The following PRSS27 variants were observed in gnomAD, a reference collection of about 807,000 sequenced individuals.
The protein encoded by PRSS27 is channel-activating protease 2.
In PRSS27, 25 loss-of-function variants were observed where a neutral mutation model predicts 32.0. The observed-to-expected ratio is 0.78, with a 90% confidence interval of 0.57 to 1.09. PRSS27 has a LOEUF of 1.09. Among genes scored for constraint, PRSS27 ranks in the 50% least tolerant of loss-of-function variants. The probability of loss-of-function intolerance (pLI) is 0.00; values close to 1 mark genes in which losing one functional copy is unlikely to be tolerated. For missense variants in PRSS27, 401 were observed against 394.9 expected (o/e 1.02, Z -0.13); for synonymous variants, 178 against 172.2 (o/e 1.03, Z -0.26).
At chr16:2,713,391 C>T (rs2142064651) in intron 5 of PRSS27, 138 bp downstream of exon 5, 6 of 935,096 alleles carry the variant, frequency 6.4e-6, no homozygotes, top group East Asian at 2.5e-5. Flanking sequence ...AGCCACCACA[C>T]CCGGCCCTGG....
In PRSS27 at chr16:2,714,750, C is replaced by A. The variant is rs1432038452; in HGVS notation, c.237-414G>T. ...AGCCCGAGTTTCCGATTTTTTTTTT[C>A]CCCTAGAGACAGAGTTCTCATTCTG... On this transcript the variant is annotated intron_variant, in intron 3 of 5. Coordinates refer to ENST00000302641, the MANE Select transcript of PRSS27 (RefSeq NM_031948.5). This position sits in a 1 kb window ranked among gnomAD's most constrained non-coding sequence, Gnocchi z 4.7. 2 of 240,132 alleles carry A rather than the reference C, an allele frequency of 8.3e-6. No individual in the cohort carries two copies. The highest frequency in any genetic ancestry group is 8.3e-6 in the Non-Finnish European group (1 of 120,480). The allele number at this position is 240,132 out of a possible 1,614,324, so 14.9% of individuals were successfully genotyped here. A position where few individuals can be genotyped will look rare whatever the true frequency, so the allele number is the denominator to read the frequency against.
Position 2,715,776 on chromosome 16 carries a change from A to C in PRSS27, c.178T>G (p.Cys60Gly). ...TGCTCCGCGATGAGGCTGCCCCCGC[A>C]GAAGTGGCTTCCGTTGCGCTGGATG... Reference protein sequence around the residue: ...VSIQRNGSHFCGGSLIAEQWV... With the variant: ...VSIQRNGSHFGGGSLIAEQWV... Residue 60 changes from cysteine (C) to glycine (G), a missense_variant, in exon 3 of 6, where the codon TGC becomes GGC. By Grantham distance (159) the Cys-to-Gly change is radical. Transcript: ENST00000302641. The C allele has an allele frequency of 1.3e-6, 2 of 1,598,210 alleles. No individual in the cohort carries two copies. Among genetic ancestry groups the C allele is most frequent in the Non-Finnish European group, 1.7e-6 (2 of 1,175,286 alleles).
chr16:2,719,059 TG>T (rs1479988302), intron 1 of PRSS27, among the ~76,000 whole-genome samples: 2 of 152,124 alleles, frequency 1.3e-5, no homozygotes, highest in East Asian at 3.8e-4. Flanking sequence ...AGAGACCTGG[TG>T]GGAGTGCCAC....
At position 2,717,215 on chromosome 16, in the gene PRSS27, C is replaced by T. The variant is rs1190571208; in HGVS notation, c.47-689G>A. ...CAGGCTTGGCAGACGAGGCCCAGGA[C>T]CCCCTGCTGGGCTGTGCAAGGGGGC... On this transcript the variant is annotated intron_variant, in intron 1 of 5. Coordinates refer to ENST00000302641, the MANE Select transcript of PRSS27 (RefSeq NM_031948.5). This position sits in a 1 kb window ranked among gnomAD's most constrained non-coding sequence, Gnocchi z 4.1. The T allele has an allele frequency of 6.6e-6, 1 of 152,470 alleles. No homozygotes were observed. The highest frequency in any genetic ancestry group is 6.5e-5 in the Admixed American group (1 of 15,282). The allele number at this position is 152,470 out of a possible 1,614,324, so 9.4% of individuals were successfully genotyped here.
At chr16:2,716,325 G>T in intron 2 of PRSS27, 175 bp downstream of exon 2, 1 of 666,598 alleles carries the variant, frequency 1.5e-6, no homozygotes, top group Non-Finnish European at 2.7e-6. Flanking sequence ...TCCTGCTCTT[G>T]TGTGGACCTT....
intron 2 of PRSS27, 65 bp downstream of exon 2, chr16:2,716,435 A>G (rs1460564070): frequency 1.4e-5 from 21 of 1,474,826 alleles, no homozygotes; most frequent in South Asian, 7.1e-5. Context: ...CCCTCTGGCC[A>G]TGAGTGTCCC....
chr16:2,715,883 GGGGGAGCAT>G lies in PRSS27; in HGVS notation c.74-12_74-4del. The G allele has an allele frequency of 6.4e-7, 1 of 1,559,492 alleles. No homozygotes were observed. On this transcript the variant is annotated splice_polypyrimidine_tract_variant and splice_region_variant and intron_variant, in intron 2 of 5. Transcript: ENST00000302641. ...CAGCATCCTGGGGCGACCACAGGCT[GGGGGAGCAT>G]GGGGAGCGGGTGGGGGCGCTCACTG...
At position 2,712,730 on chromosome 16, in the gene PRSS27, G is replaced by C; in HGVS notation, c.763C>G (p.Arg255Gly). Residue 255 changes from arginine to glycine, a missense_variant, in exon 6 of 6, where the codon CGC (arginine) becomes GGC (glycine). Arg to Gly is a moderately radical substitution (Grantham distance 125). Coordinates refer to ENST00000302641, the MANE Select transcript of PRSS27 (RefSeq NM_031948.5). The surrounding 1 kb of genome is among the most constrained non-coding windows in gnomAD (Gnocchi z 4.6). ...ATGTAGACACCTGGGCGGTTCTGGC[G>C]GGCACAGCCCTCACCCCAGCTGATC... ...GVISWGEGCA[R>G]QNRPGVYIRV... The C allele has an allele frequency of 6.3e-7, 1 of 1,589,706 alleles. No homozygotes were observed. The highest frequency in any genetic ancestry group is 8.6e-7 in the Non-Finnish European group (1 of 1,168,156).
At chr16:2,713,399 TG>T in intron 5 of PRSS27, 129 bp downstream of exon 5, 1 of 1,017,124 alleles carries the variant, frequency 9.8e-7, no homozygotes, top group Non-Finnish European at 1.6e-6. Flanking sequence ...CACCCGGCCC[TG>T]GAATCTGCCT....
chr16:2,712,894 G>A lies in PRSS27; in HGVS notation c.679-80C>T. On this transcript the variant is annotated intron_variant, in intron 5 of 5. Coordinates refer to ENST00000302641, the MANE Select transcript of PRSS27 (RefSeq NM_031948.5). The surrounding 1 kb of genome is among the most constrained non-coding windows in gnomAD (Gnocchi z 4.6). ...GTTGCAGCCGCACAGGAGGTGTGTAGCTCCGCAATGGATTCCTTCTCTCCA... is the reference window on the plus strand; with the variant it reads ...GTTGCAGCCGCACAGGAGGTGTGTAACTCCGCAATGGATTCCTTCTCTCCA... 1 of 1,114,484 alleles carries A rather than the reference G, an allele frequency of 9.0e-7. No individual in the cohort carries two copies. Among genetic ancestry groups the A allele is most frequent in the Non-Finnish European group, 1.2e-6 (1 of 805,502 alleles). The allele number at this position is 1,114,484 out of a possible 1,614,324, so 69.0% of individuals were successfully genotyped here. A position where few individuals can be genotyped will look rare whatever the true frequency, so the allele number is the denominator to read the frequency against.
chr16:2,713,129 T>C (rs926035654), intron 5 of PRSS27: 32 of 479,774 alleles, frequency 6.7e-5, no homozygotes, highest in Middle Eastern at 5.8e-4. Flanking sequence ...GACGGAGTCT[T>C]GCTCTGTGGC....
chr16:2,716,006 A>C (rs1426105882), intron 2 of PRSS27, 126 bp from the exon 3 acceptor site: 5 of 804,390 alleles, frequency 6.2e-6, no homozygotes, highest in Non-Finnish European at 9.3e-6. Flanking sequence ...GACCTTGGGG[A>C]AGTCGGAGGC....
At chr16:2,716,446 T>G in intron 2 of PRSS27, 54 bp downstream of exon 2, 1 of 1,552,284 alleles carries the variant, frequency 6.4e-7, no homozygotes, top group Non-Finnish European at 8.8e-7. Context: ...TGAGTGTCCC[T>G]GGCTCAGTCC....
chr16:2,713,508 T>C (rs763864700), intron 5 of PRSS27, 21 bp downstream of exon 5: 2 of 1,613,754 alleles, frequency 1.2e-6, no homozygotes, highest in South Asian at 2.2e-5. Context: ...TGAGTCCCCA[T>C]GGACACCACA....
In PRSS27 at chr16:2,713,666, G is replaced by C. The variant is rs2067680663; in HGVS notation, c.541C>G (p.Leu181Val). ...LLPEPRILQK[L>V]AVPIIDTPKC... is the part of the protein sequence containing the mutation. ...GGTGTGTCGATGATGGGCACAGCGA[G>C]TTTCTGCAGGATCCGCGGTTCGGGC... The change falls in exon 5 of 6, where the codon CTC (leucine) becomes GTC (valine). Residue 181 changes from leucine to valine, a missense_variant. Transcript: ENST00000302641. 1 of 1,614,242 alleles carries C rather than the reference G, an allele frequency of 6.2e-7. No homozygotes were observed. The highest frequency in any genetic ancestry group is 1.3e-5 in the African/African-American group (1 of 75,070).
chr16:2,712,558 A>G lies in PRSS27; in HGVS notation c.*62T>C. 2 of 1,430,078 alleles carry G rather than the reference A, an allele frequency of 1.4e-6. No individual in the cohort carries two copies. Among genetic ancestry groups the G allele is most frequent in the Non-Finnish European group, 1.9e-6 (2 of 1,050,686 alleles). 88.6% of individuals were successfully genotyped at this position (1,430,078 alleles called of 1,614,324 possible). A position where few individuals can be genotyped will look rare whatever the true frequency, so the allele number is the denominator to read the frequency against. Reference sequence around the variant, plus strand: ...CAGCAGCGCTGGGAGGACCAGCAGGATGGTGTGGGCGGGCAGGCTGGGTGC... The same window carrying G: ...CAGCAGCGCTGGGAGGACCAGCAGGGTGGTGTGGGCGGGCAGGCTGGGTGC... On this transcript the variant is annotated 3_prime_UTR_variant, in exon 6 of 6. Coordinates refer to ENST00000302641, the MANE Select transcript of PRSS27 (RefSeq NM_031948.5). This position sits in a 1 kb window ranked among gnomAD's most constrained non-coding sequence, Gnocchi z 4.6.
intron 1 of PRSS27, 59 bp from the exon 2 acceptor site, chr16:2,716,585 A>C: frequency 6.6e-7 from 1 of 1,516,134 alleles, no homozygotes; most frequent in East Asian, 2.3e-5. Context: ...GCCCTCCCCA[A>C]CCCTGCAGCC....
rs1430334613 is a variant in PRSS27 at position 2,712,726 on chromosome 16, T to G, written c.767A>C (p.Gln256Pro). The G allele has an allele frequency of 6.3e-7, 1 of 1,589,962 alleles. No individual in the cohort carries two copies. The highest frequency in any genetic ancestry group is 2.3e-5 in the East Asian group (1 of 43,666). ...ACGGATGTAGACACCTGGGCGGTTC[T>G]GGCGGGCACAGCCCTCACCCCAGCT... ...VISWGEGCARQNRPGVYIRVT... is the reference protein window; with the variant it reads ...VISWGEGCARPNRPGVYIRVT... Residue 256 changes from glutamine to proline, a missense_variant, in exon 6 of 6, where the codon CAG (glutamine) becomes CCG (proline). Coordinates refer to ENST00000302641, the MANE Select transcript of PRSS27 (RefSeq NM_031948.5). The surrounding 1 kb of genome is among the most constrained non-coding windows in gnomAD (Gnocchi z 4.6).
chr16:2,716,269 C>T, intron 2 of PRSS27: 1 of 603,920 alleles, frequency 1.7e-6, no homozygotes, highest in South Asian at 1.9e-5. Flanking sequence ...TCCTCAGACC[C>T]TGCCGCCCTC....
Sources: gnomAD v4.1 joint callset for allele counts (sites outside exome capture counted in the v4.1 genomes callset) on GRCh38, gnomAD v4.1.1 for gene constraint, Gnocchi (gnomAD v3.1) non-coding constraint, MANE v1.5 for transcripts, NCBI Gene and HGNC (gene_info 2026-07-23, HGNC 2026-07-21) for gene names.